CHCHD3: variants seen among roughly 807,000 people sequenced by gnomAD.
CHCHD3 encodes MICOS complex subunit MIC19.
In CHCHD3, 20 loss-of-function variants were observed where a neutral mutation model predicts 38.2. The observed-to-expected ratio is 0.52, with a 90% CI of 0.37 to 0.76. CHCHD3 has a LOEUF of 0.76. CHCHD3 is among the 30% of genes least tolerant of loss of function. CHCHD3 has a pLI of 0.00. For missense variants in CHCHD3, 245 were observed against 279.2 expected (o/e 0.88, Z 0.87); for synonymous variants, 82 against 100.0 (o/e 0.82, Z 1.07).
At chr7:132,806,272 G>A (rs976355843) in intron 6 of CHCHD3, among the ~76,000 whole-genome samples, 2 of 152,198 alleles carry the variant, frequency 1.3e-5, no homozygotes, top group African/African-American at 2.4e-5. Context: ...AGCAGAGAGC[G>A]TGAGGCAGAA....
chr7:133,043,541 G>C (rs1467920872), intron 2 of CHCHD3, among the ~76,000 whole-genome samples: 3 of 151,910 alleles, frequency 2.0e-5, no homozygotes, highest in Admixed American at 2.0e-4. Context: ...AGCTACTCGG[G>C]AGGCTGAGGC....
intron 1 of CHCHD3, among the ~76,000 whole-genome samples, chr7:133,070,618 A>T (rs1347307880): frequency 6.6e-6 from 1 of 152,058 alleles, no homozygotes; most frequent in African/African-American, 2.4e-5. Flanking sequence ...CCCGAAGGAA[A>T]GTGTTCCTTC....
At chr7:133,043,899 T>C (rs953844770) in intron 2 of CHCHD3, among the ~76,000 whole-genome samples, 1 of 152,222 alleles carries the variant, frequency 6.6e-6, no homozygotes, top group African/African-American at 2.4e-5. Context: ...ATGTGCTATA[T>C]GAGCATTTTA....
rs141325756 is a variant in CHCHD3 at position 132,933,955 on chromosome 7, C to G, written c.369+41214G>C. On this transcript the variant is annotated intron_variant, in intron 4 of 7. Transcript: ENST00000262570. ...ATGTCAAAGGTACAGAAGAAGTTGCCTTGCCTTCAGCCTAAACTTAATGGG... is the reference window on the plus strand; with the variant it reads ...ATGTCAAAGGTACAGAAGAAGTTGCGTTGCCTTCAGCCTAAACTTAATGGG... 3.3e-3 allele frequency among the ~76,000 whole-genome samples: 507 copies of G among 152,314 alleles called. 2 individuals are homozygous for G. Among genetic ancestry groups the G allele is most frequent in the Non-Finnish European group, 5.4e-3 (367 of 68,020 alleles).
Position 133,023,842 on chromosome 7 carries a change from G to A in CHCHD3, c.251+704C>T, listed in dbSNP as rs184677331. On this transcript the variant is annotated intron_variant, in intron 3 of 7. Transcript: ENST00000262570. ...ACTGATGGTCTAGTGTTCCATTGCAGGCATGTACCATAATTAATTCAGCCA... is the reference window on the plus strand; with the variant it reads ...ACTGATGGTCTAGTGTTCCATTGCAAGCATGTACCATAATTAATTCAGCCA... Among the ~76,000 whole-genome samples, 576 of 152,168 alleles carry A rather than the reference G, an allele frequency of 3.8e-3. 2 individuals are homozygous for A. The highest frequency in any genetic ancestry group is 6.1e-3 in the Non-Finnish European group (412 of 68,014).
chr7:132,915,523 T>C (rs972940477), intron 4 of CHCHD3, among the ~76,000 whole-genome samples: 2 of 152,210 alleles, frequency 1.3e-5, no homozygotes, highest in East Asian at 1.9e-4. Context: ...TATCTTTTTT[T>C]CTTTGCTCAT....
intron 2 of CHCHD3, among the ~76,000 whole-genome samples, chr7:133,065,338 GA>G (rs35476646): frequency 5.3e-5 from 8 of 151,758 alleles, no homozygotes; most frequent in African/African-American, 1.9e-4. Flanking sequence ...TATTTTTTAT[GA>G]AAAAAAAGTT....
At chr7:132,838,319 T>C in intron 6 of CHCHD3, 80 bp downstream of exon 6, 1 of 959,640 alleles carries the variant, frequency 1.0e-6, no homozygotes, top group South Asian at 1.5e-5. Context: ...TAACAAACTA[T>C]GATCTGTGCA....
chr7:132,893,396 AACTT>A (rs1458643953), intron 4 of CHCHD3, among the ~76,000 whole-genome samples: 2 of 152,190 alleles, frequency 1.3e-5, no homozygotes, highest in Non-Finnish European at 2.9e-5. Flanking sequence ...TCTTGGAAGT[AACTT>A]ACTTACTTTT....
chr7:132,789,896 A>C (rs1444908354), intron 7 of CHCHD3, among the ~76,000 whole-genome samples: 2 of 152,160 alleles, frequency 1.3e-5, no homozygotes, highest in African/African-American at 2.4e-5. Context: ...AGTTTTACTA[A>C]GGAGGGTCAG....
At chr7:132,909,628 C>T (rs1809891511) in intron 4 of CHCHD3, among the ~76,000 whole-genome samples, 1 of 152,214 alleles carries the variant, frequency 6.6e-6, no homozygotes, top group African/African-American at 2.4e-5. Context: ...CCAAAATTAT[C>T]ACTCCCAACT....
chr7:132,857,265 T>C (rs531651498), intron 5 of CHCHD3, among the ~76,000 whole-genome samples: 2 of 152,338 alleles, frequency 1.3e-5, no homozygotes, highest in Admixed American at 1.3e-4. Flanking sequence ...ATCATTGAAC[T>C]TTAACGTGTA....
intron 2 of CHCHD3, among the ~76,000 whole-genome samples, chr7:133,062,089 CT>C (rs1814534900): frequency 6.6e-6 from 1 of 151,382 alleles, no homozygotes; most frequent in African/African-American, 2.4e-5. Flanking sequence ...TCAGACCTTA[CT>C]TTTAAATTTT....
intron 5 of CHCHD3, among the ~76,000 whole-genome samples, chr7:132,879,124 T>C (rs987931396): frequency 1.3e-5 from 2 of 152,336 alleles, no homozygotes; most frequent in African/African-American, 4.8e-5. Context: ...TATTTGATTA[T>C]ATGCCATGGA....
intron 4 of CHCHD3, among the ~76,000 whole-genome samples, chr7:132,967,067 CA>C (rs772058701): frequency 2.0e-5 from 3 of 152,146 alleles, no homozygotes; most frequent in Non-Finnish European, 4.4e-5. Context: ...CATAATGACC[CA>C]AGTGATAGGA....
chr7:132,897,845 G>T (rs1365175832), intron 4 of CHCHD3, among the ~76,000 whole-genome samples: 1 of 151,842 alleles, frequency 6.6e-6, no homozygotes, highest in Admixed American at 6.5e-5. Context: ...TGGGTTCTTG[G>T]TCTCACTGAC....
intron 4 of CHCHD3, among the ~76,000 whole-genome samples, chr7:132,974,336 T>C (rs1811701913): frequency 6.6e-6 from 1 of 152,218 alleles, no homozygotes; most frequent in Non-Finnish European, 1.5e-5. Context: ...AACATGTCTA[T>C]GTAATCTTTT....
At chr7:133,071,580 A>G (rs993714573) in intron 1 of CHCHD3, among the ~76,000 whole-genome samples, 2 of 152,232 alleles carry the variant, frequency 1.3e-5, no homozygotes, top group Non-Finnish European at 2.9e-5. Flanking sequence ...GAACAGAAGC[A>G]GGATCCCTGA....
intron 3 of CHCHD3, among the ~76,000 whole-genome samples, chr7:133,013,185 CAAAAAAAAA>C (rs778964079): frequency 1.1e-4 from 2 of 18,420 alleles, no homozygotes; most frequent in African/African-American, 5.1e-4. Flanking sequence ...GACTCCGCCT[CAAAAAAAAA>C]AAAAAAAAAA....
Sources: gnomAD v4.1 joint callset for allele counts (sites outside exome capture counted in the v4.1 genomes callset) on GRCh38, gnomAD v4.1.1 for gene constraint, MANE v1.5 for transcripts, NCBI Gene and HGNC (gene_info 2026-07-23, HGNC 2026-07-21) for gene names.